The following RBFOX3 variants were observed in gnomAD, a reference collection of about 807,000 sequenced individuals.
The protein encoded by RBFOX3 is RNA binding fox-1 homolog 3.
Under a neutral mutation model 48.7 loss-of-function variants are expected in RBFOX3, and 17 were observed. The observed-to-expected ratio is 0.35, with a 90% CI of 0.24 to 0.52. RBFOX3 has a LOEUF of 0.52. Ranked by LOEUF, RBFOX3 falls within the 20% of genes least tolerant of loss-of-function variation. RBFOX3 has a pLI of 0.94. For synonymous variants in RBFOX3, 212 were observed against 209.5 expected (o/e 1.01, Z -0.10); for missense variants, 382 against 497.5 (o/e 0.77, Z 2.21).
At position 79,477,357 on chromosome 17, in the gene RBFOX3, T is replaced by C. The variant is rs371270760; in HGVS notation, c.-175+5097A>G. Among the ~76,000 whole-genome samples the C allele has an allele frequency of 0.016, 2,280 of 145,140 alleles. 39 individuals are homozygous for C. The highest frequency in any genetic ancestry group is 0.077 in the East Asian group (374 of 4,858). On this transcript the variant is annotated intron_variant, in intron 2 of 14. Transcript: ENST00000693108. The surrounding 1 kb of genome is among the most constrained non-coding windows in gnomAD (Gnocchi z 4.8). The stretch of plus-strand genomic sequence containing the variant: ...GGATCACGAGGTCAGGAGATCGAGA[T>C]CATCCTGGCTAACACGGTGAAACCC...
chr17:79,658,692 C>T, the RBFOX3 span, among the ~76,000 whole-genome samples: 16 of 152,070 alleles, frequency 1.1e-4, no homozygotes, highest in Non-Finnish European at 1.8e-4. Flanking sequence ...GTATCTCTGC[C>T]TCCATCATCC....
At chr17:79,460,414 T>A (rs1394125103) in intron 2 of RBFOX3, among the ~76,000 whole-genome samples, 2 of 151,932 alleles carry the variant, frequency 1.3e-5, no homozygotes, top group East Asian at 3.9e-4. Flanking sequence ...CACAGTCAGC[T>A]CCCCAGAATC....
intron 2 of RBFOX3, chr17:79,424,205 T>C (rs1407383975): frequency 1.3e-5 from 2 of 152,428 alleles, no homozygotes; most frequent in East Asian, 3.9e-4. Flanking sequence ...AAGTACATCA[T>C]GTGAGGAATG....
intron 2 of RBFOX3, among the ~76,000 whole-genome samples, chr17:79,328,120 G>C (rs972328323): frequency 3.3e-5 from 5 of 152,256 alleles, no homozygotes; most frequent in Non-Finnish European, 7.3e-5. Flanking sequence ...GGTAGAAGGA[G>C]AGTGGGAGGG....
chr17:79,541,959 CG>C (rs1366917122), intron 1 of RBFOX3, among the ~76,000 whole-genome samples: 2 of 152,000 alleles, frequency 1.3e-5, no homozygotes, highest in Admixed American at 1.3e-4. Context: ...CACTGGCTGC[CG>C]GGGCCTTCCC....
intron 2 of RBFOX3, among the ~76,000 whole-genome samples, chr17:79,320,858 T>C (rs1415464763): frequency 6.6e-6 from 1 of 152,116 alleles, no homozygotes; most frequent in Non-Finnish European, 1.5e-5. Context: ...AGTCCGTCTG[T>C]CACCATCGCT....
intron 2 of RBFOX3, among the ~76,000 whole-genome samples, chr17:79,436,801 C>A (rs1259872401): frequency 2.0e-5 from 3 of 152,144 alleles, no homozygotes; most frequent in Non-Finnish European, 4.4e-5. Context: ...ATGCAGGATC[C>A]AAGGCCCAAG....
intron 4 of RBFOX3, among the ~76,000 whole-genome samples, chr17:79,118,264 A>C (rs62063840): frequency 0.05 from 7,572 of 152,142 alleles, 220 homozygotes; most frequent in African/African-American, 0.092. Context: ...CAGACTCTGA[A>C]ACTGGGGCGA....
rs890467294 is a variant in RBFOX3 at position 79,391,758 on chromosome 17, T to C, written c.-174-83934A>G. On this transcript the variant is annotated intron_variant, in intron 2 of 14. Coordinates refer to ENST00000693108, the MANE Select transcript of RBFOX3 (RefSeq NM_001350451.2). The surrounding 1 kb of genome is among the most constrained non-coding windows in gnomAD (Gnocchi z 5.0). Reference sequence around the variant, plus strand: ...CACGTGTGAGTTAGGGTGGGGGGTATGTGGAGACACCAGGACCACCAACAT... The same window carrying C: ...CACGTGTGAGTTAGGGTGGGGGGTACGTGGAGACACCAGGACCACCAACAT... Among the ~76,000 whole-genome samples the C allele has an allele frequency of 2.6e-5, 4 of 151,964 alleles. No homozygotes were observed. The highest frequency in any genetic ancestry group is 2.4e-5 in the African/African-American group (1 of 41,366).
At chr17:79,444,347 C>T (rs1250116367) in intron 2 of RBFOX3, among the ~76,000 whole-genome samples, 2 of 152,108 alleles carry the variant, frequency 1.3e-5, no homozygotes, top group African/African-American at 4.8e-5. Flanking sequence ...CACTCTCAGG[C>T]ACCCTGAGCC....
At chr17:79,336,817 G>T (rs914962942) in intron 2 of RBFOX3, among the ~76,000 whole-genome samples, 2 of 152,124 alleles carry the variant, frequency 1.3e-5, no homozygotes, top group African/African-American at 4.8e-5. Context: ...CAATTAAAAA[G>T]GCACAATAAA....
At position 79,443,927 on chromosome 17, in the gene RBFOX3, C is replaced by T. The variant is rs1279232900; in HGVS notation, c.-175+38527G>A. On this transcript the variant is annotated intron_variant, in intron 2 of 14. Transcript: ENST00000693108. The surrounding 1 kb of genome is among the most constrained non-coding windows in gnomAD (Gnocchi z 4.4). The stretch of plus-strand genomic sequence containing the variant: ...GTACCCGTGACTTACTGGGCTATCC[C>T]GAGTGCCGTGACACTTCATCTCATG... Among the ~76,000 whole-genome samples, 1 of 152,116 alleles carries T rather than the reference C, an allele frequency of 6.6e-6. No individual in the cohort carries two copies. The highest frequency in any genetic ancestry group is 2.4e-5 in the African/African-American group (1 of 41,420).
chr17:79,171,484 A>C (rs2049273580), intron 4 of RBFOX3, among the ~76,000 whole-genome samples: 1 of 152,254 alleles, frequency 6.6e-6, no homozygotes, highest in Non-Finnish European at 1.5e-5. Context: ...GACAACACGT[A>C]AACAAATGAG....
intron 4 of RBFOX3, among the ~76,000 whole-genome samples, chr17:79,121,277 C>T (rs915884271): frequency 6.6e-6 from 1 of 152,058 alleles, no homozygotes; most frequent in Non-Finnish European, 1.5e-5. Flanking sequence ...GCAATTCGCC[C>T]CTTGCACTCC....
chr17:79,435,153 C>T (rs1031754380), intron 2 of RBFOX3, among the ~76,000 whole-genome samples: 1 of 152,202 alleles, frequency 6.6e-6, no homozygotes, highest in Non-Finnish European at 1.5e-5. Flanking sequence ...GTCTGCCCCC[C>T]ACCTCCGCAG....
intron 2 of RBFOX3, among the ~76,000 whole-genome samples, chr17:79,419,054 C>T (rs781909192): frequency 1.2e-4 from 18 of 152,298 alleles, no homozygotes; most frequent in South Asian, 1.0e-3. Context: ...CCTGAGTCCT[C>T]CTAATGCTGT....
At position 79,473,837 on chromosome 17, in the gene RBFOX3, C is replaced by T. The variant is rs1369386105; in HGVS notation, c.-175+8617G>A. Among the ~76,000 whole-genome samples, 1 of 152,152 alleles carries T rather than the reference C, an allele frequency of 6.6e-6. No homozygotes were observed. Among genetic ancestry groups the T allele is most frequent in the Admixed American group, 6.5e-5 (1 of 15,274 alleles). On this transcript the variant is annotated intron_variant, in intron 2 of 14. Transcript: ENST00000693108. The surrounding 1 kb of genome is among the most constrained non-coding windows in gnomAD (Gnocchi z 4.2). ...TCCTCCTCCTAAAAGCACACACACA[C>T]ACTCACACACACACACACGCAGAAC...
chr17:79,542,179 G>A (rs2089813266), intron 1 of RBFOX3, among the ~76,000 whole-genome samples: 1 of 152,072 alleles, frequency 6.6e-6, no homozygotes, highest in Admixed American at 6.6e-5. Context: ...TTACAAAGCT[G>A]GAAATTGTTT....
upstream of RBFOX3, among the ~76,000 whole-genome samples, chr17:79,613,390 C>T (rs2093982372): frequency 6.6e-6 from 1 of 152,236 alleles, no homozygotes; most frequent in South Asian, 2.1e-4. Flanking sequence ...GCTCAGCTGT[C>T]GTAGACAGGG....
Sources: gnomAD v4.1 joint callset for allele counts (sites outside exome capture counted in the v4.1 genomes callset) on GRCh38, gnomAD v4.1.1 for gene constraint, Gnocchi (gnomAD v3.1) non-coding constraint, MANE v1.5 for transcripts, NCBI Gene and HGNC (gene_info 2026-07-23, HGNC 2026-07-21) for gene names.